Variants in GMFB observed in about 807,000 individuals in gnomAD.
GMFB encodes glia maturation factor beta.
Under a neutral mutation model 25.6 loss-of-function variants are expected in GMFB, and 13 were observed. The ratio of observed to expected loss-of-function variants is 0.51; its 90% CI spans 0.33 to 0.81. The LOEUF is 0.81. Ranked by LOEUF, GMFB falls within the 30% of genes least tolerant of loss-of-function variation. GMFB has a pLI of 0.02. For synonymous variants in GMFB, 57 were observed against 56.9 expected, an observed-to-expected ratio of 1.00 and a Z score of 0.00; for missense variants, 146 against 175.4, an observed-to-expected ratio of 0.83 and a Z score of 0.95.
chr14:54,482,143 T>C lies in GMFB; in HGVS notation c.150+10A>G, dbSNP rs202042046. The C allele has an allele frequency of 5.9e-4, 907 of 1,538,734 alleles. 3 individuals carry two copies. Among genetic ancestry groups the C allele is most frequent in the South Asian group, 1.9e-3 (166 of 89,224 alleles). ...TAACTATAAAATTGTATTTAGTTCA[T>C]TGAACAAACCTCAAGCTCCTCATCC... On this transcript the variant is annotated intron_variant, in intron 3 of 6. Transcript: ENST00000358056.
rs2031622669 is a variant in GMFB, at chr14:54,475,274, T to C, written c.*2814A>G. The C allele has an allele frequency of 6.6e-6, 1 of 152,350 alleles. No individual in the cohort carries two copies. Among genetic ancestry groups the C allele is most frequent in the South Asian group, 2.1e-4 (1 of 4,818 alleles). 9.4% of individuals were successfully genotyped at this position (152,350 alleles called of 1,614,324 possible). On this transcript the variant is annotated 3_prime_UTR_variant, in exon 7 of 7. Coordinates refer to ENST00000358056, the MANE Select transcript of GMFB (RefSeq NM_004124.3). ...AGCCAAATTTAATTTGGCAATAAAC[T>C]CCCCTAACTGGAAATTTTTAGCTAA...
intron 6 of GMFB, chr14:54,478,680 A>T (rs1385043295): frequency 1.3e-5 from 2 of 152,206 alleles, no homozygotes; most frequent in African/African-American, 2.4e-5. Context: ...GTATTACAGC[A>T]GAAAGGATAG....
chr14:54,483,499 G>T, intron 2 of GMFB, 172 bp downstream of exon 2: 1 of 589,054 alleles, frequency 1.7e-6, no homozygotes. Context: ...CCTCTGTTCT[G>T]TGACATTAGA....
At chr14:54,483,814 T>G (rs758143119) in intron 1 of GMFB, 47 bp from the exon 2 acceptor site, 1 of 1,015,328 alleles carries the variant, frequency 9.8e-7, no homozygotes, top group Non-Finnish European at 1.6e-6. Context: ...CTTCAATATA[T>G]GTACATGTTA....
chr14:54,483,882 G>A (rs2031747052), intron 1 of GMFB, 115 bp from the exon 2 acceptor site: 4 of 724,230 alleles, frequency 5.5e-6, no homozygotes, highest in Non-Finnish European at 7.5e-6. Context: ...TGTCAATTAA[G>A]TGAAAGCATT....
intron 4 of GMFB, 129 bp downstream of exon 4, chr14:54,481,280 T>C (rs1037969155): frequency 4.3e-6 from 3 of 693,092 alleles, no homozygotes; most frequent in Non-Finnish European, 7.8e-6. Flanking sequence ...GTCTAGTATA[T>C]GCACACATAT....
Position 54,478,140 on chromosome 14 carries a change from G to T in GMFB, c.377C>A (p.Thr126Asn). The T allele has an allele frequency of 5.2e-6, 7 of 1,356,472 alleles. No homozygotes were observed. Among genetic ancestry groups the T allele is most frequent in the Admixed American group, 5.3e-5 (2 of 37,404 alleles). The allele number at this position is 1,356,472 out of a possible 1,614,324, so 84.0% of individuals were successfully genotyped here. ...TAACCATTCTTCAGTTAGGTCTTCGGTATTTCTTATTTCAAATACCTTTAA... is the reference window on the plus strand; with the variant it reads ...TAACCATTCTTCAGTTAGGTCTTCGTTATTTCTTATTTCAAATACCTTTAA... Reference protein sequence around the residue: ...ELTKVFEIRNTEDLTEEWLRE... With the variant: ...ELTKVFEIRNNEDLTEEWLRE... The change falls in exon 7 of 7, where the codon ACC becomes AAC. Residue 126 changes from threonine to asparagine, a missense_variant. Coordinates refer to ENST00000358056, the MANE Select transcript of GMFB (RefSeq NM_004124.3).
chr14:54,479,425 C>T (rs1412696754), intron 6 of GMFB: 1 of 166,270 alleles, frequency 6.0e-6, no homozygotes, highest in East Asian at 1.7e-4. Flanking sequence ...GCACAGAACT[C>T]GGTTCATTTT....
At chr14:54,483,455 G>A in intron 2 of GMFB, 3 of 528,236 alleles carry the variant, frequency 5.7e-6, no homozygotes, top group Non-Finnish European at 1.0e-5. Flanking sequence ...ACAGGCAGCT[G>A]ATAAAAGGAC....
chr14:54,483,709 A>C lies in GMFB; in HGVS notation c.62T>G (p.Phe21Cys). The C allele has an allele frequency of 6.2e-7, 1 of 1,609,962 alleles. No homozygotes were observed. The highest frequency in any genetic ancestry group is 8.5e-7 in the Non-Finnish European group (1 of 1,176,328). The change falls in exon 2 of 7, where the codon TTT becomes TGT. Residue 21 changes from phenylalanine (F) to cysteine (C), a missense_variant. Transcript: ENST00000358056. ...GTTGTTCGTTTCTTTGCGAAAACGAAACTTTCTCAGCTTTTCCACTAAATC... is the reference window on the plus strand; with the variant it reads ...GTTGTTCGTTTCTTTGCGAAAACGACACTTTCTCAGCTTTTCCACTAAATC... ...AEDLVEKLRK[F>C]RFRKETNNAA...
Position 54,477,907 on chromosome 14 carries a change from G to A in GMFB, c.*181C>T. 2.2e-6 allele frequency: 1 copy of A among 447,786 alleles called. No homozygotes were observed. Among genetic ancestry groups the A allele is most frequent in the Middle Eastern group, 6.0e-4 (1 of 1,676 alleles). The allele number at this position is 447,786 out of a possible 1,614,324, so 27.7% of individuals were successfully genotyped here. A position where few individuals can be genotyped will look rare whatever the true frequency, so the allele number is the denominator to read the frequency against. On this transcript the variant is annotated 3_prime_UTR_variant, in exon 7 of 7. Transcript: ENST00000358056. The stretch of plus-strand genomic sequence containing the variant: ...CCAATATAAGGAAACACTTTACAAA[G>A]TTTCATTACTATGAAGATGATTTCC...
intron 1 of GMFB, chr14:54,483,980 T>C (rs2031749636): frequency 1.5e-6 from 1 of 656,138 alleles, no homozygotes; most frequent in Non-Finnish European, 2.8e-6. Flanking sequence ...ATCTCATATA[T>C]GTAAGGTATA....
chr14:54,485,255 G>A (rs999375193), intron 1 of GMFB, among the ~76,000 whole-genome samples: 3 of 151,562 alleles, frequency 2.0e-5, no homozygotes, highest in Non-Finnish European at 4.4e-5. Context: ...ATGACAACAT[G>A]ATCTTATATT....
chr14:54,483,526 T>A (rs919846727), intron 2 of GMFB, 145 bp downstream of exon 2: 56 of 611,696 alleles, frequency 9.2e-5, no homozygotes, highest in Middle Eastern at 3.1e-4. Flanking sequence ...TGTTACTTAT[T>A]TTTTAAAGTG....
In GMFB at chr14:54,474,977, A is replaced by T. The variant is rs1230584394; in HGVS notation, c.*3111T>A. 1 of 152,596 alleles carries T rather than the reference A, an allele frequency of 6.6e-6. No individual in the cohort carries two copies. The highest frequency in any genetic ancestry group is 1.5e-5 in the Non-Finnish European group (1 of 68,002). 9.5% of individuals were successfully genotyped at this position (152,596 alleles called of 1,614,324 possible). A position where few individuals can be genotyped will look rare whatever the true frequency, so the allele number is the denominator to read the frequency against. On this transcript the variant is annotated 3_prime_UTR_variant, in exon 7 of 7. Transcript: ENST00000358056. ...ATTTGTCCAGAAATGTTTGAAACAC[A>T]TCCTCACAAAAGTTGTAATGGCTCA...
intron 4 of GMFB, 67 bp downstream of exon 4, chr14:54,481,342 A>C: frequency 9.8e-7 from 1 of 1,020,024 alleles, no homozygotes; most frequent in South Asian, 1.3e-5. Flanking sequence ...ATGTTTAACA[A>C]ATGAGCTCAC....
chr14:54,481,455 T>C lies in GMFB; in HGVS notation c.154A>G (p.Ile52Val), dbSNP rs546870202. ...LVVLDEELEG[I>V]SPDELKDELP... is the part of the protein sequence containing the mutation. Reference sequence around the variant, plus strand: ...TCATCTTTAAGTTCATCTGGTGAAATGCCCTGGCACCACAGAGAAAAGCAA... The same window carrying C: ...TCATCTTTAAGTTCATCTGGTGAAACGCCCTGGCACCACAGAGAAAAGCAA... The change falls in exon 4 of 7, where the codon ATT becomes GTT. Residue 52 changes from isoleucine (I) to valine (V), a missense_variant. Ile to Val is a conservative substitution (Grantham distance 29). Coordinates refer to ENST00000358056, the MANE Select transcript of GMFB (RefSeq NM_004124.3). 4.4e-6 allele frequency: 7 copies of C among 1,607,784 alleles called. No individual in the cohort carries two copies. In the South Asian group the frequency reaches 6.6e-5, roughly 15 times the overall value.
chr14:54,483,609 TAGCTACAAGATTA>T (rs2031742334), intron 2 of GMFB, 49 bp downstream of exon 2: 9 of 826,252 alleles, frequency 1.1e-5, no homozygotes, highest in Non-Finnish European at 1.8e-5. Context: ...TCATTCAATG[TAGCTACAAGATTA>T]AAAACAAATT....
At chr14:54,478,943 C>G (rs967129178) in intron 6 of GMFB, 11 of 152,144 alleles carry the variant, frequency 7.2e-5, no homozygotes, top group African/African-American at 2.4e-4. Context: ...GTTAACAGCT[C>G]CTTCTTAACC....
Sources: gnomAD v4.1 joint callset for allele counts (sites outside exome capture counted in the v4.1 genomes callset) on GRCh38, gnomAD v4.1.1 for gene constraint, MANE v1.5 for transcripts, NCBI Gene and HGNC (gene_info 2026-07-23, HGNC 2026-07-21) for gene names.